The following GUCY1A2 variants were observed in gnomAD, a reference collection of about 807,000 sequenced individuals.
GUCY1A2 encodes guanylate cyclase soluble subunit alpha-2.
In GUCY1A2, 27 loss-of-function variants were observed where a neutral mutation model predicts 63.5. That is an observed-to-expected ratio of 0.43 (90% CI 0.31 to 0.59). The LOEUF is 0.59. GUCY1A2 is among the 20% of genes least tolerant of loss of function. The pLI, the probability that GUCY1A2 is intolerant of heterozygous loss-of-function variation, is 0.11. For synonymous variants in GUCY1A2, 364 were observed against 343.5 expected (o/e 1.06, Z -0.66); for missense variants, 768 against 913.3 (o/e 0.84, Z 2.05).
At chr11:106,859,570 T>C (rs892873689) in intron 4 of GUCY1A2, among the ~76,000 whole-genome samples, 2 of 151,962 alleles carry the variant, frequency 1.3e-5, no homozygotes, top group African/African-American at 4.8e-5. Context: ...CAGATTCCTG[T>C]TCTCAAGAAA....
At chr11:106,726,728 G>A (rs770474374) in intron 6 of GUCY1A2, among the ~76,000 whole-genome samples, 2 of 152,116 alleles carry the variant, frequency 1.3e-5, no homozygotes, top group Admixed American at 1.3e-4. Flanking sequence ...ACAAAGAAGG[G>A]TGTCCCAAAC....
rs534813587 is a variant in GUCY1A2 at position 106,741,330 on chromosome 11, C to T, written c.1837-32664G>A. Among the ~76,000 whole-genome samples, 7 of 152,240 alleles carry T rather than the reference C, an allele frequency of 4.6e-5. No individual in the cohort carries two copies. The East Asian group carries it at 1.4e-3, about 29-fold the overall frequency. ...TTTGACTAGCCATATCTAAAGTATT[C>T]AATAGTCACATGTGGCTAGTGGCTA... is the stretch of plus-strand genomic sequence containing the variant. On this transcript the variant is annotated intron_variant, in intron 6 of 7. Coordinates refer to ENST00000526355, the MANE Select transcript of GUCY1A2 (RefSeq NM_000855.3).
rs1223541188 is a variant in GUCY1A2, at chr11:106,703,895, CA to C, written c.1991+4616del. ...TACATATATGATTCCCACATTTAAG[CA>C]GAGGTACATAATTCAATTAATCATG... On this transcript the variant is annotated intron_variant, in intron 7 of 7. Coordinates refer to ENST00000526355, the MANE Select transcript of GUCY1A2 (RefSeq NM_000855.3). Among the ~76,000 whole-genome samples, 24 of 151,820 alleles carry C rather than the reference CA, an allele frequency of 1.6e-4. 2 individuals are homozygous for C. The highest frequency in any genetic ancestry group is 1.0e-3 in the South Asian group (5 of 4,788).
chr11:106,788,496 C>G (rs1361730224), intron 5 of GUCY1A2, among the ~76,000 whole-genome samples: 10 of 152,138 alleles, frequency 6.6e-5, no homozygotes, highest in Non-Finnish European at 1.3e-4. Context: ...CTAATGTTTT[C>G]TTTTAGTGGT....
chr11:106,841,776 G>A (rs1243550127), intron 4 of GUCY1A2, among the ~76,000 whole-genome samples: 1 of 151,846 alleles, frequency 6.6e-6, no homozygotes, highest in Non-Finnish European at 1.5e-5. Flanking sequence ...TCCCCCTTGT[G>A]CTTAATATAC....
chr11:106,904,119 GATA>G (rs935558244), intron 4 of GUCY1A2, among the ~76,000 whole-genome samples: 3 of 152,064 alleles, frequency 2.0e-5, no homozygotes, highest in Non-Finnish European at 2.9e-5. Context: ...CAGAGCTACT[GATA>G]ATAATGTTTT....
intron 4 of GUCY1A2, among the ~76,000 whole-genome samples, chr11:106,835,943 G>A (rs1591296011): frequency 6.6e-6 from 1 of 151,888 alleles, no homozygotes; most frequent in Non-Finnish European, 1.5e-5. Context: ...ACGAATGTAG[G>A]TAAATCTAAG....
intron 4 of GUCY1A2, among the ~76,000 whole-genome samples, chr11:106,909,673 G>A (rs1386697065): frequency 6.6e-6 from 1 of 151,822 alleles, no homozygotes; most frequent in African/African-American, 2.4e-5. Flanking sequence ...TCCAAGTTTT[G>A]CATGCATCAA....
chr11:106,900,373 G>A (rs190715259), intron 4 of GUCY1A2, among the ~76,000 whole-genome samples: 140 of 152,140 alleles, frequency 9.2e-4, no homozygotes, highest in Middle Eastern at 3.4e-3. Flanking sequence ...TTGTAGAGAC[G>A]GGGTTTTGCC....
rs1310580518 is a variant in GUCY1A2 at position 106,684,641 on chromosome 11, C to T, written c.*2908G>A. ...ATGGCTAGTTATAAGGTGCCTTCTT[C>T]CAAACAGCAGCTTAAAAGAATATTA... On this transcript the variant is annotated 3_prime_UTR_variant, in exon 8 of 8. Coordinates refer to ENST00000526355, the MANE Select transcript of GUCY1A2 (RefSeq NM_000855.3). The T allele has an allele frequency of 5.0e-6, 1 of 201,088 alleles. No individual in the cohort carries two copies. The highest frequency in any genetic ancestry group is 2.3e-5 in the African/African-American group (1 of 43,670). The allele number at this position is 201,088 out of a possible 1,614,324, so 12.5% of individuals were successfully genotyped here.
chr11:106,776,326 A>G (rs958531818), intron 6 of GUCY1A2, 113 bp downstream of exon 6: 2 of 778,316 alleles, frequency 2.6e-6, no homozygotes, highest in South Asian at 3.6e-5. Context: ...CTCCTTAAGC[A>G]CCCAACTTGT....
intron 4 of GUCY1A2, among the ~76,000 whole-genome samples, chr11:106,909,034 C>G (rs997963493): frequency 6.6e-6 from 1 of 151,862 alleles, no homozygotes; most frequent in Non-Finnish European, 1.5e-5. Flanking sequence ...AAATACCAAC[C>G]AGGAATAGTG....
chr11:106,882,024 A>C (rs1859830764), intron 4 of GUCY1A2, among the ~76,000 whole-genome samples: 2 of 151,944 alleles, frequency 1.3e-5, no homozygotes, highest in South Asian at 4.1e-4. Flanking sequence ...TTTTTTCTCC[A>C]CTGGAAATTT....
chr11:106,861,914 TAAAC>T (rs1381820826), intron 4 of GUCY1A2, among the ~76,000 whole-genome samples: 1 of 152,040 alleles, frequency 6.6e-6, no homozygotes. Flanking sequence ...AAAACTCTGA[TAAAC>T]TAATGGTGAA....
intron 4 of GUCY1A2, among the ~76,000 whole-genome samples, chr11:106,880,773 T>C (rs913145329): frequency 5.3e-5 from 8 of 152,102 alleles, no homozygotes; most frequent in African/African-American, 1.7e-4. Context: ...CCACAAGGGA[T>C]ATACAAGATG....
At chr11:106,955,519 A>G (rs1199183412) in intron 3 of GUCY1A2, among the ~76,000 whole-genome samples, 1 of 152,180 alleles carries the variant, frequency 6.6e-6, no homozygotes, top group South Asian at 2.1e-4. Context: ...ATCCCTCAGC[A>G]TTTGCTTGTC....
At position 106,676,248 on chromosome 11, in the gene GUCY1A2, C is replaced by G. The variant is rs1442852473; in HGVS notation, c.*11301G>C. ...TACCTACAATGGAAGAATGCCCTTA[C>G]TCTTAAAGAAGATATTTGACTTATT... On this transcript the variant is annotated 3_prime_UTR_variant, in exon 8 of 8. Transcript: ENST00000526355. 1 of 182,332 alleles carries G rather than the reference C, an allele frequency of 5.5e-6. No individual in the cohort carries two copies. The allele number at this position is 182,332 out of a possible 1,614,324, so 11.3% of individuals were successfully genotyped here.
intron 1 of GUCY1A2, among the ~76,000 whole-genome samples, chr11:106,999,189 T>C (rs368291838): frequency 1.2e-4 from 19 of 152,306 alleles, no homozygotes; most frequent in African/African-American, 4.6e-4. Context: ...AAAATGTACA[T>C]AGTACAATTT....
chr11:106,893,711 G>T (rs1860006505), intron 4 of GUCY1A2, among the ~76,000 whole-genome samples: 2 of 152,066 alleles, frequency 1.3e-5, no homozygotes, highest in Non-Finnish European at 2.9e-5. Flanking sequence ...AGAAAGACAG[G>T]CAGATACAGA....
Sources: allele counts gnomAD v4.1 joint callset (sites outside exome capture counted in the v4.1 genomes callset), GRCh38; gene constraint gnomAD v4.1.1; transcripts MANE v1.5; gene names NCBI Gene and HGNC (gene_info 2026-07-23, HGNC 2026-07-21).